TENM2: variants seen among roughly 807,000 people sequenced by gnomAD.
The protein encoded by TENM2 is teneurin-2.
A neutral mutation model predicts 245.2 loss-of-function variants in TENM2; 52 were observed. That is an observed-to-expected ratio of 0.21 (90% CI 0.17 to 0.27). TENM2 has a LOEUF of 0.27. Among genes scored for constraint, TENM2 ranks in the 10% least tolerant of loss-of-function variants. The pLI is 1.00. For missense variants in TENM2, 3,046 were observed against 3,666.8 expected, an observed-to-expected ratio of 0.83 and a Z score of 4.37; for synonymous variants, 1,363 against 1,438.9, an observed-to-expected ratio of 0.95 and a Z score of 1.19.
intron 7 of TENM2, among the ~76,000 whole-genome samples, chr5:168,076,172 A>ATTTTT (rs1262471340): frequency 4.7e-5 from 7 of 147,902 alleles, no homozygotes; most frequent in African/African-American, 1.8e-4. Context: ...GGTTTGCTTT[A>ATTTTT]TTTTTATTTT....
At chr5:167,081,777 G>C in the TENM2 span, among the ~76,000 whole-genome samples, 3 of 152,152 alleles carry the variant, frequency 2.0e-5, no homozygotes, top group South Asian at 6.2e-4. Context: ...ATATTAGACA[G>C]CCTCCCAACC....
At chr5:167,169,409 T>C in the TENM2 span, among the ~76,000 whole-genome samples, 1 of 152,210 alleles carries the variant, frequency 6.6e-6, no homozygotes, top group Admixed American at 6.5e-5. Context: ...GATTTTCTCT[T>C]TTATAGGTCC....
the TENM2 span, among the ~76,000 whole-genome samples, chr5:167,209,875 C>T: frequency 6.6e-6 from 1 of 152,172 alleles, no homozygotes; most frequent in Non-Finnish European, 1.5e-5. Flanking sequence ...CCTTATTCAA[C>T]TATATCAACC....
chr5:167,165,417 A>C, the TENM2 span: 1 of 152,322 alleles, frequency 6.6e-6, no homozygotes, highest in East Asian at 1.9e-4. Context: ...TACTTGGCTC[A>C]GTGTGGAAAT....
At chr5:168,243,563 C>T (rs978080071) in intron 25 of TENM2, among the ~76,000 whole-genome samples, 1 of 152,210 alleles carries the variant, frequency 6.6e-6, no homozygotes, top group Admixed American at 6.5e-5. Flanking sequence ...TTCTAGGTAA[C>T]TTTACTTAAG....
rs753606760 is a variant in TENM2, at chr5:168,062,049, T to TA, written c.1310-11_1310-10insA. 7.5e-6 allele frequency: 12 copies of TA among 1,602,704 alleles called. No individual in the cohort carries two copies. In the African/African-American group the frequency reaches 1.6e-4, roughly 22 times the overall value. On this transcript the variant is annotated splice_polypyrimidine_tract_variant and intron_variant, in intron 6 of 28. Coordinates refer to ENST00000518659, the Ensembl canonical transcript of TENM2. The stretch of plus-strand genomic sequence containing the variant: ...TCATTGACTGCTGTTTATTCCTTTT[T>TA]TTTTTTTCAGTGCCCTGGTCGTTGA...
At chr5:168,181,777 A>G (rs978174398) in intron 13 of TENM2, among the ~76,000 whole-genome samples, 4 of 148,842 alleles carry the variant, frequency 2.7e-5, no homozygotes, top group African/African-American at 1.0e-4. Flanking sequence ...CCCGAGTTCA[A>G]GCGATTCTTC....
In TENM2 at chr5:167,420,743, T is replaced by C. The variant is rs73801211; in HGVS notation, c.502+45270T>C. Among the ~76,000 whole-genome samples, 1,301 of 152,286 alleles carry C rather than the reference T, an allele frequency of 8.5e-3. 23 individuals carry two copies. The highest frequency in any genetic ancestry group is 0.029 in the African/African-American group (1,207 of 41,558). ...TCGTCTTTTTCCGACAGCACCATCA[T>C]TCTCTACTATAGAATTTACTCCCCT... On this transcript the variant is annotated intron_variant, in intron 2 of 28. Coordinates refer to ENST00000518659, the Ensembl canonical transcript of TENM2.
intron 2 of TENM2, among the ~76,000 whole-genome samples, chr5:167,516,451 A>G (rs1182220785): frequency 6.6e-6 from 1 of 152,180 alleles, no homozygotes; most frequent in African/African-American, 2.4e-5. Flanking sequence ...TTCCATCTCT[A>G]ATGGAATCTC....
chr5:167,915,673 T>C lies in TENM2; in HGVS notation c.713-36915T>C, dbSNP rs891783842. The stretch of plus-strand genomic sequence containing the variant: ...AAAACAACAACAAAAATTAAAGGCA[T>C]AAACCAAAAGAACAGAACACCTTCA... On this transcript the variant is annotated intron_variant, in intron 3 of 28. Coordinates refer to ENST00000518659, the Ensembl canonical transcript of TENM2. 2.0e-5 allele frequency among the ~76,000 whole-genome samples: 3 copies of C among 152,154 alleles called. No individual in the cohort carries two copies. In the East Asian group the frequency reaches 5.8e-4, roughly 29 times the overall value.
chr5:167,558,750 A>G (rs915521078), intron 2 of TENM2, among the ~76,000 whole-genome samples: 2 of 152,154 alleles, frequency 1.3e-5, no homozygotes, highest in African/African-American at 4.8e-5. Flanking sequence ...AATAAAGTGT[A>G]CAATAAATGT....
At chr5:167,536,228 T>G (rs1005234052) in intron 2 of TENM2, among the ~76,000 whole-genome samples, 1 of 152,088 alleles carries the variant, frequency 6.6e-6, no homozygotes, top group Non-Finnish European at 1.5e-5. Context: ...TACAAAATTT[T>G]TATCATAATG....
intron 20 of TENM2, among the ~76,000 whole-genome samples, chr5:168,213,970 C>G (rs1234532262): frequency 6.6e-6 from 1 of 152,176 alleles, no homozygotes; most frequent in African/African-American, 2.4e-5. Flanking sequence ...ACATGAGCAC[C>G]TATTCTGGTC....
intron 2 of TENM2, among the ~76,000 whole-genome samples, chr5:167,561,000 G>C (rs1466671277): frequency 1.3e-5 from 2 of 152,176 alleles, no homozygotes; most frequent in Admixed American, 1.3e-4. Flanking sequence ...AACAAGCCAT[G>C]ATCCAGCCCA....
chr5:168,083,174 G>A lies in TENM2; in HGVS notation c.1516-7400G>A, dbSNP rs575637257. On this transcript the variant is annotated intron_variant, in intron 7 of 28. Transcript: ENST00000518659. ...TGGTGGATGCCCCTCCCCCAGCCTC[G>A]CTGCCACCTTGCTGTTGGATATCAG... is the stretch of plus-strand genomic sequence containing the variant. 9.2e-5 allele frequency among the ~76,000 whole-genome samples: 14 copies of A among 152,244 alleles called. No homozygotes were observed. The South Asian group carries it at 1.0e-3, about 11-fold the overall frequency.
chr5:167,115,477 A>G, the TENM2 span, among the ~76,000 whole-genome samples: 2 of 152,202 alleles, frequency 1.3e-5, no homozygotes, highest in African/African-American at 2.4e-5. Flanking sequence ...ATTCTCAGCC[A>G]AACACCAAGA....
At chr5:167,114,165 G>T in the TENM2 span, among the ~76,000 whole-genome samples, 1 of 152,030 alleles carries the variant, frequency 6.6e-6, no homozygotes. Context: ...TCCATCAAAC[G>T]TTTTTCTTCT....
At chr5:167,353,508 T>TG (rs1336998965) in intron 1 of TENM2, among the ~76,000 whole-genome samples, 3,935 of 113,020 alleles carry the variant, frequency 0.035, 218 homozygotes, top group African/African-American at 0.12. Context: ...TTGTTTTTTT[T>TG]TTTTTTTTTT....
At chr5:167,199,766 G>T in the TENM2 span, among the ~76,000 whole-genome samples, 1 of 151,980 alleles carries the variant, frequency 6.6e-6, no homozygotes, top group Admixed American at 6.6e-5. Flanking sequence ...TAAGTCCTTA[G>T]GTCATAATTC....
Sources: gnomAD v4.1 joint callset for allele counts (sites outside exome capture counted in the v4.1 genomes callset) on GRCh38, gnomAD v4.1.1 for gene constraint, MANE v1.5 for transcripts, NCBI Gene and HGNC (gene_info 2026-07-23, HGNC 2026-07-21) for gene names.